Variants in MYO3B observed in about 807,000 individuals in gnomAD.
The protein encoded by MYO3B is myosin IIIB, also known as myosin-IIIb.
MYO3B carries 156 observed loss-of-function variants against 174.6 expected under a neutral mutation model. That is an observed-to-expected ratio of 0.89 (90% CI 0.78 to 1.02). The LOEUF (loss-of-function observed/expected upper bound fraction) is 1.02. Ranked by LOEUF, MYO3B falls within the 50% of genes least tolerant of loss-of-function variation. The pLI, the probability that MYO3B is intolerant of heterozygous loss-of-function variation, is 0.00. For synonymous variants in MYO3B, 563 were observed against 569.1 expected (o/e 0.99, Z 0.15); for missense variants, 1,632 against 1,639.4 (o/e 1.00, Z 0.08).
intron 7 of MYO3B, among the ~76,000 whole-genome samples, chr2:170,269,894 G>C (rs1488033472): frequency 6.6e-6 from 1 of 152,198 alleles, no homozygotes; most frequent in Admixed American, 6.5e-5. Context: ...TTCTGATTCA[G>C]TAGGTTCGGT....
intron 7 of MYO3B, among the ~76,000 whole-genome samples, chr2:170,282,580 C>T (rs1237546918): frequency 6.6e-6 from 1 of 151,968 alleles, no homozygotes; most frequent in African/African-American, 2.4e-5. Context: ...ATTTCTTTGG[C>T]TTTTCAGGCT....
chr2:170,522,079 C>T (rs78713540), intron 30 of MYO3B, among the ~76,000 whole-genome samples: 5,259 of 152,154 alleles, frequency 0.035, 259 homozygotes, highest in African/African-American at 0.1. Context: ...TCTTCTCTTC[C>T]GCTTACCATT....
At chr2:170,187,682 G>T (rs2092483600) in intron 1 of MYO3B, among the ~76,000 whole-genome samples, 1 of 152,088 alleles carries the variant, frequency 6.6e-6, no homozygotes, top group Non-Finnish European at 1.5e-5. Flanking sequence ...ATTATCATTT[G>T]ATACAATACA....
At chr2:170,580,106 A>G (rs1333175074) in intron 32 of MYO3B, among the ~76,000 whole-genome samples, 1 of 152,238 alleles carries the variant, frequency 6.6e-6, no homozygotes, top group Non-Finnish European at 1.5e-5. Context: ...ACCATATTAG[A>G]GTTAAAAAGA....
intron 30 of MYO3B, among the ~76,000 whole-genome samples, chr2:170,524,133 T>C (rs34020565): frequency 1.3e-5 from 2 of 152,102 alleles, no homozygotes; most frequent in Admixed American, 6.5e-5. Flanking sequence ...TTCAGATTGA[T>C]TGTTAGCATT....
chr2:170,521,486 C>CTGACCTGG (rs1688663925), intron 30 of MYO3B, among the ~76,000 whole-genome samples: 1 of 152,176 alleles, frequency 6.6e-6, no homozygotes, highest in South Asian at 2.1e-4. Context: ...TCTGACTTTA[C>CTGACCTGG]TGAGAACACC....
intron 25 of MYO3B, among the ~76,000 whole-genome samples, chr2:170,481,181 C>T (rs1019629968): frequency 6.6e-6 from 1 of 152,198 alleles, no homozygotes; most frequent in Non-Finnish European, 1.5e-5. Flanking sequence ...TCCAGGACAT[C>T]ATTAGACTTC....
chr2:170,468,166 G>A (rs1684761973), intron 25 of MYO3B, among the ~76,000 whole-genome samples: 1 of 152,172 alleles, frequency 6.6e-6, no homozygotes, highest in Admixed American at 6.5e-5. Flanking sequence ...TGATCCTTTT[G>A]AACCACTTAA....
In MYO3B at chr2:170,237,725, G is replaced by A. The variant is rs538320277; in HGVS notation, c.749+1589G>A. Among the ~76,000 whole-genome samples the A allele has an allele frequency of 5.7e-4, 87 of 152,212 alleles. 1 individual carries two copies. Among genetic ancestry groups the A allele is most frequent in the African/African-American group, 1.9e-3 (77 of 41,526 alleles). ...TAACTAAGTCTCTACTGCCTGCCTCGGGACAGAGTGGATCCCAAGAATTGG... is the reference window on the plus strand; with the variant it reads ...TAACTAAGTCTCTACTGCCTGCCTCAGGACAGAGTGGATCCCAAGAATTGG... On this transcript the variant is annotated intron_variant, in intron 7 of 34. Transcript: ENST00000408978.
chr2:170,301,058 C>T (rs1004589295), intron 7 of MYO3B, among the ~76,000 whole-genome samples: 1 of 152,128 alleles, frequency 6.6e-6, no homozygotes, highest in Non-Finnish European at 1.5e-5. Context: ...GCATCCCAGC[C>T]CAGGATATAT....
At chr2:170,413,358 A>C (rs1009895793) in intron 22 of MYO3B, among the ~76,000 whole-genome samples, 6 of 152,170 alleles carry the variant, frequency 3.9e-5, no homozygotes, top group African/African-American at 2.4e-5. Flanking sequence ...TAGATGATTA[A>C]ATGAATAGGA....
intron 32 of MYO3B, among the ~76,000 whole-genome samples, chr2:170,617,058 T>A (rs1695510485): frequency 6.6e-6 from 1 of 152,224 alleles, no homozygotes; most frequent in Non-Finnish European, 1.5e-5. Flanking sequence ...CAATTTTTGA[T>A]CAATACCTGA....
At chr2:170,473,195 T>G (rs1231557943) in intron 25 of MYO3B, among the ~76,000 whole-genome samples, 3 of 137,990 alleles carry the variant, frequency 2.2e-5, no homozygotes, top group African/African-American at 8.1e-5. Flanking sequence ...TAGGCTGGAG[T>G]GTAGTGGGGT....
At chr2:170,327,342 G>A (rs981932537) in intron 7 of MYO3B, among the ~76,000 whole-genome samples, 2 of 152,222 alleles carry the variant, frequency 1.3e-5, no homozygotes, top group East Asian at 1.9e-4. Context: ...CTGAGATCAC[G>A]CCACTGCACT....
At position 170,547,294 on chromosome 2, in the gene MYO3B, T is replaced by C. The variant is rs183944433; in HGVS notation, c.3733+3306T>C. Among the ~76,000 whole-genome samples, 4,399 of 149,762 alleles carry C rather than the reference T, an allele frequency of 0.029. 573 individuals are homozygous for C. In the East Asian group the frequency reaches 0.46, roughly 16 times the overall value. The stretch of plus-strand genomic sequence containing the variant: ...GCAGTGAGCCGAGATCGCGCCACTG[T>C]ACTCCAGCCTGGGCGACAGAGCAAG... On this transcript the variant is annotated intron_variant, in intron 32 of 34. Coordinates refer to ENST00000408978, the MANE Select transcript of MYO3B (RefSeq NM_138995.5).
chr2:170,217,414 G>A lies in MYO3B; in HGVS notation c.603+19G>A. On this transcript the variant is annotated intron_variant, in intron 6 of 34. Transcript: ENST00000408978. The stretch of plus-strand genomic sequence containing the variant: ...CCCTGAGGTAAGCTGGAAATACCTA[G>A]TTCTTTCTTTGCACTTGTTGAATGC... 2 of 1,601,350 alleles carry A rather than the reference G, an allele frequency of 1.2e-6. No individual in the cohort carries two copies. Among genetic ancestry groups the A allele is most frequent in the East Asian group, 2.2e-5 (1 of 44,830 alleles).
chr2:170,651,820 A>AGGGG, intron 33 of MYO3B, 86 bp downstream of exon 33: 3 of 1,010,544 alleles, frequency 3.0e-6, no homozygotes, highest in Non-Finnish European at 3.0e-6. Context: ...CAGCCCCTGC[A>AGGGG]GCCCCACCCC....
chr2:170,600,335 T>A (rs1005915755), intron 32 of MYO3B, among the ~76,000 whole-genome samples: 1 of 151,988 alleles, frequency 6.6e-6, no homozygotes, highest in Non-Finnish European at 1.5e-5. Context: ...AAAACAATAA[T>A]CTCGAAAACC....
intron 32 of MYO3B, among the ~76,000 whole-genome samples, chr2:170,571,971 T>G (rs745346018): frequency 5.3e-5 from 8 of 152,114 alleles, no homozygotes; most frequent in Non-Finnish European, 1.2e-4. Context: ...AGTATACCAT[T>G]GAAACATCAG....
Sources: gnomAD v4.1 joint callset for allele counts (sites outside exome capture counted in the v4.1 genomes callset) on GRCh38, gnomAD v4.1.1 for gene constraint, MANE v1.5 for transcripts, NCBI Gene and HGNC (gene_info 2026-07-23, HGNC 2026-07-21) for gene names.